Variants in KATNIP observed in about 807,000 individuals in gnomAD.
KATNIP encodes the protein katanin-interacting protein.
Under a neutral mutation model 174.0 loss-of-function variants are expected in KATNIP, and 126 were observed. The observed-to-expected ratio is 0.72, with a 90% confidence interval of 0.63 to 0.84. KATNIP has a LOEUF of 0.84. KATNIP is among the 40% of genes least tolerant of loss of function. The pLI is 0.00. For synonymous variants in KATNIP, 810 were observed against 835.7 expected, an observed-to-expected ratio of 0.97 and a Z score of 0.53; for missense variants, 1,958 against 2,109.7, an observed-to-expected ratio of 0.93 and a Z score of 1.41.
At chr16:27,565,308 A>G (rs2090042527) in intron 1 of KATNIP, among the ~76,000 whole-genome samples, 1 of 151,214 alleles carries the variant, frequency 6.6e-6, no homozygotes, top group South Asian at 2.1e-4. Context: ...TCTGTTAAAA[A>G]TGCAAAAATT....
chr16:27,583,987 G>A (rs1030034450), intron 2 of KATNIP, among the ~76,000 whole-genome samples: 2 of 152,110 alleles, frequency 1.3e-5, no homozygotes, highest in Non-Finnish European at 2.9e-5. Flanking sequence ...AGATTTAAAA[G>A]GTTTGGGGAT....
chr16:27,681,596 A>G, intron 8 of KATNIP, 66 bp downstream of exon 8: 5 of 1,591,818 alleles, frequency 3.1e-6, no homozygotes, highest in Non-Finnish European at 3.4e-6. Flanking sequence ...CTGGGGTGCC[A>G]TGATGGGAGG....
intron 13 of KATNIP, among the ~76,000 whole-genome samples, chr16:27,713,828 A>ATC (rs2079784089): frequency 1.6e-5 from 1 of 62,934 alleles, no homozygotes; most frequent in African/African-American, 8.6e-5. Flanking sequence ...ATATATATAT[A>ATC]TATATATATA....
chr16:27,567,466 A>G (rs2141649719), intron 1 of KATNIP, among the ~76,000 whole-genome samples: 1 of 152,294 alleles, frequency 6.6e-6, no homozygotes, highest in African/African-American at 2.4e-5. Context: ...CCACCTCTAC[A>G]AAAAGGTAAA....
intron 8 of KATNIP, among the ~76,000 whole-genome samples, chr16:27,690,344 AGATAGATAGATAGATAGAT>A (rs879698302): frequency 0.028 from 3,742 of 135,044 alleles, 57 homozygotes; most frequent in African/African-American, 0.043. Context: ...ATAGATAGAT[AGATAGATAGATAGATAGAT>A]GATAGATAGA....
intron 13 of KATNIP, among the ~76,000 whole-genome samples, chr16:27,709,880 G>A (rs2079495858): frequency 1.3e-5 from 2 of 152,112 alleles, no homozygotes; most frequent in Admixed American, 1.3e-4. Context: ...GATGTTCTTT[G>A]TAGTTGAAGA....
chr16:27,723,246 G>A (rs2080309298), intron 14 of KATNIP, among the ~76,000 whole-genome samples: 1 of 152,118 alleles, frequency 6.6e-6, no homozygotes, highest in African/African-American at 2.4e-5. Context: ...AGAGGATCAA[G>A]GTCAACCCCC....
chr16:27,604,244 A>G (rs1372275772), intron 2 of KATNIP, among the ~76,000 whole-genome samples: 1 of 152,010 alleles, frequency 6.6e-6, no homozygotes, highest in Non-Finnish European at 1.5e-5. Context: ...GACTACAGGC[A>G]CATGCCATCA....
At chr16:27,680,567 C>A (rs777240641) in intron 7 of KATNIP, among the ~76,000 whole-genome samples, 1 of 152,222 alleles carries the variant, frequency 6.6e-6, no homozygotes, top group African/African-American at 2.4e-5. Context: ...TGCCCTGTCA[C>A]CCGGGCTGAA....
chr16:27,581,506 A>G (rs1289524069), intron 2 of KATNIP, among the ~76,000 whole-genome samples: 3 of 152,170 alleles, frequency 2.0e-5, no homozygotes, highest in Non-Finnish European at 2.9e-5. Context: ...GACCACTCCT[A>G]TAGTTCCCTA....
intron 12 of KATNIP, among the ~76,000 whole-genome samples, chr16:27,705,911 C>A (rs2079282987): frequency 6.6e-6 from 1 of 152,118 alleles, no homozygotes. Flanking sequence ...CTTCTGGGCT[C>A]AAGCAATCCT....
intron 12 of KATNIP, among the ~76,000 whole-genome samples, chr16:27,707,025 C>G (rs2079337134): frequency 6.6e-6 from 1 of 152,174 alleles, no homozygotes; most frequent in African/African-American, 2.4e-5. Context: ...CAAAACAGGC[C>G]CTATCTTTTA....
intron 6 of KATNIP, among the ~76,000 whole-genome samples, chr16:27,661,091 T>C (rs1191936966): frequency 6.6e-6 from 1 of 152,236 alleles, no homozygotes; most frequent in Non-Finnish European, 1.5e-5. Flanking sequence ...AGTGAGTGTT[T>C]TCCAAACTGT....
intron 11 of KATNIP, among the ~76,000 whole-genome samples, chr16:27,702,242 A>G (rs987541374): frequency 2.0e-5 from 3 of 152,096 alleles, no homozygotes; most frequent in African/African-American, 7.2e-5. Flanking sequence ...CCAGTAGAAT[A>G]CCCCATGCAG....
Position 27,714,855 on chromosome 16 carries a change from T to G in KATNIP, c.1605+5935T>G, listed in dbSNP as rs1386688413. ...CTGTTCATGGATCAGAAGACAACAT[T>G]GTCGAGATGGTAATACTTCCCCAAA... On this transcript the variant is annotated intron_variant, in intron 13 of 27. Transcript: ENST00000261588. 2.0e-5 allele frequency among the ~76,000 whole-genome samples: 3 copies of G among 152,188 alleles called. No homozygotes were observed. The East Asian group carries it at 5.8e-4, about 29-fold the overall frequency.
chr16:27,669,419 G>A (rs1161866397), intron 6 of KATNIP: 1 of 369,080 alleles, frequency 2.7e-6, no homozygotes, highest in Non-Finnish European at 3.7e-6. Flanking sequence ...CTGTTGAAAG[G>A]GCTTGAACTT....
At chr16:27,716,444 G>A (rs1021572862) in intron 13 of KATNIP, among the ~76,000 whole-genome samples, 26 of 151,514 alleles carry the variant, frequency 1.7e-4, no homozygotes, top group African/African-American at 4.9e-4. Context: ...TTAAAATGGC[G>A]AACTTTATGC....
At chr16:27,618,591 T>C (rs2076109623) in intron 3 of KATNIP, 90 bp downstream of exon 3, 5 of 877,730 alleles carry the variant, frequency 5.7e-6, no homozygotes, top group South Asian at 5.6e-5. Context: ...CTGCCTCACA[T>C]AGGAATGGGA....
chr16:27,603,753 T>G (rs1158199166), intron 2 of KATNIP, among the ~76,000 whole-genome samples: 1 of 151,472 alleles, frequency 6.6e-6, no homozygotes, highest in Non-Finnish European at 1.5e-5. Context: ...TTTTTTTTTT[T>G]TGAGATAGAG....
Sources: gnomAD v4.1 joint callset for allele counts (sites outside exome capture counted in the v4.1 genomes callset) on GRCh38, gnomAD v4.1.1 for gene constraint, MANE v1.5 for transcripts, NCBI Gene and HGNC (gene_info 2026-07-23, HGNC 2026-07-21) for gene names.